BCL7A: variants seen among roughly 807,000 people sequenced by gnomAD.
The protein encoded by BCL7A is BAF chromatin remodeling complex subunit BCL7A, also known as B-cell CLL/lymphoma 7 protein family member A.
In BCL7A, 11 loss-of-function variants were observed where a neutral mutation model predicts 28.4. The ratio of observed to expected loss-of-function variants is 0.39; its 90% CI spans 0.24 to 0.64. The LOEUF (loss-of-function observed/expected upper bound fraction) is 0.64. Ranked by LOEUF, BCL7A falls within the 30% of genes least tolerant of loss-of-function variation. The pLI is 0.50. For synonymous variants in BCL7A, 123 were observed against 103.3 expected (o/e 1.19, Z -1.15); for missense variants, 222 against 274.8 (o/e 0.81, Z 1.36).
intron 4 of BCL7A, among the ~76,000 whole-genome samples, chr12:122,044,625 C>A (rs560600669): frequency 6.6e-6 from 1 of 152,264 alleles, no homozygotes; most frequent in African/African-American, 2.4e-5. Context: ...GAGTTTGAGA[C>A]CAGCCTGGAT....
intron 2 of BCL7A, 48 bp from the exon 3 acceptor site, chr12:122,035,283 C>A: frequency 6.5e-7 from 1 of 1,534,192 alleles, no homozygotes; most frequent in Non-Finnish European, 9.0e-7. Context: ...CACGTGTGCG[C>A]ACACACATGA....
At chr12:122,024,235 C>A in intron 1 of BCL7A, among the ~76,000 whole-genome samples, 1 of 152,306 alleles carries the variant, frequency 6.6e-6, no homozygotes, top group East Asian at 1.9e-4. Flanking sequence ...ATCTCATGGT[C>A]CAGCTTCCAG....
At chr12:122,045,581 G>A (rs1244624645) in intron 4 of BCL7A, among the ~76,000 whole-genome samples, 2 of 152,096 alleles carry the variant, frequency 1.3e-5, no homozygotes, top group African/African-American at 2.4e-5. Context: ...TTGTGTGAAT[G>A]TGTACACAAA....
chr12:122,055,974 G>C (rs1951875892), intron 5 of BCL7A, among the ~76,000 whole-genome samples: 1 of 152,158 alleles, frequency 6.6e-6, no homozygotes, highest in African/African-American at 2.4e-5. Flanking sequence ...CTCACCCCAT[G>C]GAACCCCCTC....
chr12:122,025,320 A>C (rs2135837564), intron 1 of BCL7A, among the ~76,000 whole-genome samples: 1 of 151,132 alleles, frequency 6.6e-6, no homozygotes, highest in African/African-American at 2.4e-5. Context: ...TCTCAAACCA[A>C]AAAAAAAGAA....
At chr12:122,051,063 T>C (rs556524532) in intron 4 of BCL7A, among the ~76,000 whole-genome samples, 1 of 152,308 alleles carries the variant, frequency 6.6e-6, no homozygotes, top group South Asian at 2.1e-4. Flanking sequence ...TGGGGGTGTG[T>C]GTCTCCTTTG....
chr12:122,052,047 A>G (rs1374941116), intron 4 of BCL7A, among the ~76,000 whole-genome samples: 1 of 151,430 alleles, frequency 6.6e-6, no homozygotes, highest in Non-Finnish European at 1.5e-5. Flanking sequence ...GCTACTTTTT[A>G]TATTTTTAGT....
intron 4 of BCL7A, among the ~76,000 whole-genome samples, chr12:122,050,691 G>A (rs2135857343): frequency 6.6e-6 from 1 of 152,370 alleles, no homozygotes; most frequent in South Asian, 2.1e-4. Flanking sequence ...AGCTACTCGG[G>A]AGGCTAAGGT....
In BCL7A at chr12:122,060,507, G is replaced by T. The variant is rs375188348; in HGVS notation, c.*1344G>T. Reference sequence around the variant, plus strand: ...ACTGAACGGAGACGCCCCCTTGGACGAACTGCCTAATCGTTTGGTTCTGAG... The same window carrying T: ...ACTGAACGGAGACGCCCCCTTGGACTAACTGCCTAATCGTTTGGTTCTGAG... On this transcript the variant is annotated 3_prime_UTR_variant, in exon 6 of 6. Coordinates refer to ENST00000261822, the MANE Select transcript of BCL7A (RefSeq NM_001024808.3). 1 of 231,410 alleles carries T rather than the reference G, an allele frequency of 4.3e-6. No individual in the cohort carries two copies. Among genetic ancestry groups the T allele is most frequent in the Non-Finnish European group, 8.6e-6 (1 of 116,714 alleles). The allele number at this position is 231,410 out of a possible 1,614,324, so 14.3% of individuals were successfully genotyped here. A position where few individuals can be genotyped will look rare whatever the true frequency, so the allele number is the denominator to read the frequency against.
At chr12:122,054,729 T>C (rs957117900) in intron 4 of BCL7A, 76 bp from the exon 5 acceptor site, 2 of 1,442,390 alleles carry the variant, frequency 1.4e-6, no homozygotes, top group African/African-American at 2.8e-5. Context: ...ATTCAAGGTA[T>C]TTTCAGTATT....
chr12:122,045,812 G>A (rs1884064355), intron 4 of BCL7A, among the ~76,000 whole-genome samples: 1 of 151,866 alleles, frequency 6.6e-6, no homozygotes, highest in African/African-American at 2.4e-5. Flanking sequence ...TTCTGGGCTG[G>A]GCACAGTAGC....
chr12:122,030,643 C>A (rs948602078), intron 1 of BCL7A, 57 bp from the exon 2 acceptor site: 19 of 1,510,836 alleles, frequency 1.3e-5, no homozygotes, highest in Non-Finnish European at 1.7e-5. Context: ...GGAGTGTGGC[C>A]TGTGTCCCCC....
chr12:122,048,240 A>G (rs1884117368), intron 4 of BCL7A, among the ~76,000 whole-genome samples: 1 of 151,912 alleles, frequency 6.6e-6, no homozygotes, highest in Admixed American at 6.6e-5. Context: ...AAACTGGGAA[A>G]GTACATATTT....
chr12:122,049,180 C>T (rs1884141437), intron 4 of BCL7A, among the ~76,000 whole-genome samples: 1 of 145,292 alleles, frequency 6.9e-6, no homozygotes, highest in African/African-American at 2.5e-5. Context: ...TGAGCATGGT[C>T]CTCCCACTGC....
rs539569491 is a variant in BCL7A at position 122,059,366 on chromosome 12, C to T, written c.*203C>T. On this transcript the variant is annotated 3_prime_UTR_variant, in exon 6 of 6. Transcript: ENST00000261822. This position sits in a 1 kb window ranked among gnomAD's most constrained non-coding sequence, Gnocchi z 4.0. ...TCTGCTGTGAAGCAAAACACTCAAACCTTTAAGGGACTGTCCTTGGGGAGG... is the reference window on the plus strand; with the variant it reads ...TCTGCTGTGAAGCAAAACACTCAAATCTTTAAGGGACTGTCCTTGGGGAGG... The T allele has an allele frequency of 3.7e-6, 2 of 541,180 alleles. No individual in the cohort carries two copies. The highest frequency in any genetic ancestry group is 2.9e-4 in the Middle Eastern group (1 of 3,390). 33.5% of individuals were successfully genotyped at this position (541,180 alleles called of 1,614,324 possible). A position where few individuals can be genotyped will look rare whatever the true frequency, so the allele number is the denominator to read the frequency against.
chr12:122,049,035 A>AATATATATATAT (rs1159174556), intron 4 of BCL7A, among the ~76,000 whole-genome samples: 1 of 58,372 alleles, frequency 1.7e-5, no homozygotes, highest in South Asian at 6.2e-4. Context: ...AAAAAAAAAA[A>AATATATATATAT]ATATATATAT....
chr12:122,030,806 G>A (rs753165535), intron 2 of BCL7A, 25 bp downstream of exon 2: 1 of 1,605,146 alleles, frequency 6.2e-7, no homozygotes, highest in Non-Finnish European at 8.5e-7. Flanking sequence ...CTGGTCCCCT[G>A]GGGTGGGCCA....
chr12:122,023,753 G>A (rs562942345), intron 1 of BCL7A, among the ~76,000 whole-genome samples: 1 of 152,314 alleles, frequency 6.6e-6, no homozygotes, highest in African/African-American at 2.4e-5. Flanking sequence ...ACAGCTGCAG[G>A]CCAACACACA....
chr12:122,049,031 A>AT (rs1383363229), intron 4 of BCL7A, among the ~76,000 whole-genome samples: 5,575 of 68,720 alleles, frequency 0.081, 139 homozygotes, highest in Middle Eastern at 0.19. Flanking sequence ...AAAAAAAAAA[A>AT]AAAAATATAT....
Sources: allele counts gnomAD v4.1 joint callset (sites outside exome capture counted in the v4.1 genomes callset), GRCh38; gene constraint gnomAD v4.1.1; non-coding constraint Gnocchi (gnomAD v3.1); transcripts MANE v1.5; gene names NCBI Gene and HGNC (gene_info 2026-07-23, HGNC 2026-07-21).